KCNK2: variants seen among roughly 807,000 people sequenced by gnomAD.
KCNK2 encodes potassium channel subfamily K member 2.
In KCNK2, 21 loss-of-function variants were observed where a neutral mutation model predicts 40.5. That is an observed-to-expected ratio of 0.52 (90% confidence interval 0.37 to 0.75). The LOEUF is 0.75. KCNK2 is among the 30% of genes least tolerant of loss of function. The pLI, the probability that KCNK2 is intolerant of heterozygous loss-of-function variation, is 0.00. For synonymous variants in KCNK2, 191 were observed against 202.2 expected, an observed-to-expected ratio of 0.94 and a Z score of 0.47; for missense variants, 399 against 531.6, an observed-to-expected ratio of 0.75 and a Z score of 2.45.
At chr1:215,093,806 TATATTATATATTATATATTATATATAA>T (rs1352110869) in intron 2 of KCNK2, among the ~76,000 whole-genome samples, 11 of 28,452 alleles carry the variant, frequency 3.9e-4, no homozygotes, top group East Asian at 2.8e-3. Flanking sequence ...TAATATAAAA[TATATTATATATTATATATTATATATAA>T]AATATATTAT....
intron 6 of KCNK2, among the ~76,000 whole-genome samples, chr1:215,199,529 T>C (rs183028879): frequency 3.7e-4 from 56 of 152,286 alleles, no homozygotes; most frequent in East Asian, 1.5e-3. Context: ...AAAACAATAA[T>C]GAGCTTGGTA....
chr1:215,064,171 G>A (rs906481445), intron 1 of KCNK2, among the ~76,000 whole-genome samples: 3 of 152,188 alleles, frequency 2.0e-5, no homozygotes, highest in Non-Finnish European at 4.4e-5. Flanking sequence ...AAGAAAATTA[G>A]AGAAAGGAGA....
chr1:215,100,929 A>T (rs1660180707), intron 2 of KCNK2, among the ~76,000 whole-genome samples: 1 of 152,064 alleles, frequency 6.6e-6, no homozygotes, highest in Non-Finnish European at 1.5e-5. Context: ...ATTTGGAAAC[A>T]TACTGATTAT....
intron 2 of KCNK2, among the ~76,000 whole-genome samples, chr1:215,101,306 AG>A: frequency 6.6e-6 from 1 of 152,074 alleles, no homozygotes; most frequent in Non-Finnish European, 1.5e-5. Context: ...TAGAGATGGG[AG>A]GTGGGCTTCT....
At chr1:215,159,349 T>C (rs1029031494) in intron 3 of KCNK2, among the ~76,000 whole-genome samples, 4 of 152,076 alleles carry the variant, frequency 2.6e-5, no homozygotes, top group Non-Finnish European at 5.9e-5. Context: ...GCGCAGAGCA[T>C]ATAGGAACTT....
At chr1:215,227,911 A>C (rs1044426475) in intron 6 of KCNK2, among the ~76,000 whole-genome samples, 5 of 151,992 alleles carry the variant, frequency 3.3e-5, no homozygotes, top group Admixed American at 6.6e-5. Flanking sequence ...ATTATATTGA[A>C]GTTCACCTTA....
At position 215,047,112 on chromosome 1, in the gene KCNK2, TG is replaced by T. The variant is rs1410654058; in HGVS notation, c.35-39255del. Among the ~76,000 whole-genome samples, 5 of 152,248 alleles carry T rather than the reference TG, an allele frequency of 3.3e-5. No homozygotes were observed. In the East Asian group the frequency reaches 9.6e-4, roughly 29 times the overall value. On this transcript the variant is annotated intron_variant, in intron 1 of 6. Coordinates refer to the KCNK2 transcript ENST00000391895. ...TTTCAGCATCATAATAGGAAATTAT[TG>T]CCTGATTTTAACTTGCAGAAAATTA... is the stretch of plus-strand genomic sequence containing the variant.
chr1:215,228,423 C>T (rs957142361), intron 6 of KCNK2, among the ~76,000 whole-genome samples: 7 of 152,106 alleles, frequency 4.6e-5, no homozygotes, highest in African/African-American at 7.2e-5. Flanking sequence ...AGAACAAGTG[C>T]CTGTTTATAT....
chr1:215,182,548 C>T (rs1404068445), intron 5 of KCNK2, among the ~76,000 whole-genome samples: 1 of 152,138 alleles, frequency 6.6e-6, no homozygotes, highest in Non-Finnish European at 1.5e-5. Flanking sequence ...TGCAAGTCTC[C>T]TTGCCCAAGA....
chr1:215,102,682 A>C (rs920057123), intron 2 of KCNK2, among the ~76,000 whole-genome samples: 1 of 150,684 alleles, frequency 6.6e-6, no homozygotes. Context: ...AACTCCATTC[A>C]TGGTAGATGC....
intron 1 of KCNK2, among the ~76,000 whole-genome samples, chr1:215,085,138 A>G (rs1376162796): frequency 1.3e-5 from 2 of 152,200 alleles, no homozygotes; most frequent in East Asian, 3.9e-4. Flanking sequence ...GTGCAATTCC[A>G]TGGAGATTTC....
At chr1:215,052,710 T>C (rs1483306416) in intron 1 of KCNK2, among the ~76,000 whole-genome samples, 1 of 152,116 alleles carries the variant, frequency 6.6e-6, no homozygotes, top group African/African-American at 2.4e-5. Flanking sequence ...TTGAGAAACC[T>C]TGGATTAGAA....
chr1:215,159,914 T>C (rs1663121232), intron 3 of KCNK2, among the ~76,000 whole-genome samples: 1 of 152,146 alleles, frequency 6.6e-6, no homozygotes, highest in African/African-American at 2.4e-5. Context: ...CAGCCCCAAA[T>C]GCATAACTTA....
intron 2 of KCNK2, among the ~76,000 whole-genome samples, chr1:215,099,812 A>G (rs1400439907): frequency 1.3e-5 from 2 of 151,970 alleles, no homozygotes; most frequent in African/African-American, 4.8e-5. Flanking sequence ...ATCTGTTCTT[A>G]TTATTTAGCT....
intron 2 of KCNK2, among the ~76,000 whole-genome samples, chr1:215,100,726 C>T (rs1660172299): frequency 1.3e-5 from 2 of 152,046 alleles, no homozygotes; most frequent in African/African-American, 4.8e-5. Flanking sequence ...CTGTTTTCCA[C>T]TTGTCGCAAA....
intron 1 of KCNK2, among the ~76,000 whole-genome samples, chr1:215,009,314 A>G (rs1656294020): frequency 6.6e-6 from 1 of 152,162 alleles, no homozygotes; most frequent in African/African-American, 2.4e-5. Context: ...CACATCACAG[A>G]TATGAAATGA....
rs750570408 is a variant in KCNK2 at position 215,236,419 on chromosome 1, G to A, written c.*1274G>A. Reference sequence around the variant, plus strand: ...GGCAGAAGTTGAAGTTGGGATCACTGTGACTTTGCACATGGAAAAATGCAG... The same window carrying A: ...GGCAGAAGTTGAAGTTGGGATCACTATGACTTTGCACATGGAAAAATGCAG... On this transcript the variant is annotated 3_prime_UTR_variant, in exon 7 of 7. Coordinates refer to ENST00000444842, the MANE Select transcript of KCNK2 (RefSeq NM_001017425.3). The A allele has an allele frequency of 6.6e-5, 10 of 152,544 alleles. No individual in the cohort carries two copies. The highest frequency in any genetic ancestry group is 1.5e-4 in the Non-Finnish European group (10 of 68,054). 9.4% of individuals were successfully genotyped at this position (152,544 alleles called of 1,614,324 possible).
intron 1 of KCNK2, among the ~76,000 whole-genome samples, chr1:215,053,474 G>A (rs868085238): frequency 3.9e-5 from 6 of 152,192 alleles, no homozygotes; most frequent in African/African-American, 7.2e-5. Flanking sequence ...AAGAGATAAA[G>A]TGGACAAGGC....
At chr1:215,132,705 G>A (rs1661729687) in intron 3 of KCNK2, among the ~76,000 whole-genome samples, 1 of 152,020 alleles carries the variant, frequency 6.6e-6, no homozygotes, top group South Asian at 2.1e-4. Context: ...TATTAGTAAC[G>A]TTTGCTCCTG....
Sources: allele counts gnomAD v4.1 joint callset (sites outside exome capture counted in the v4.1 genomes callset), GRCh38; gene constraint gnomAD v4.1.1; transcripts MANE v1.5; gene names NCBI Gene and HGNC (gene_info 2026-07-23, HGNC 2026-07-21).